Variants in STIM1 observed in about 807,000 individuals in gnomAD.
STIM1 encodes the protein stromal interaction molecule 1.
Under a neutral mutation model 74.7 loss-of-function variants are expected in STIM1, and 25 were observed. The observed-to-expected ratio is 0.33, with a 90% CI of 0.24 to 0.47. The LOEUF (loss-of-function observed/expected upper bound fraction) is 0.47, where lower values mean the gene tolerates loss of function less well. Ranked by LOEUF, STIM1 falls within the 20% of genes least tolerant of loss-of-function variation. The pLI, the probability that STIM1 is intolerant of heterozygous loss-of-function variation, is 1.00. For missense variants in STIM1, 728 were observed against 920.8 expected, an observed-to-expected ratio of 0.79 and a Z score of 2.71; for synonymous variants, 328 against 348.8, an observed-to-expected ratio of 0.94 and a Z score of 0.66.
intron 2 of STIM1, among the ~76,000 whole-genome samples, chr11:4,021,730 A>C (rs1158605863): frequency 6.6e-6 from 1 of 152,098 alleles, no homozygotes; most frequent in African/African-American, 2.4e-5. Flanking sequence ...ATGTCACTGA[A>C]ATTTAGATAG....
At chr11:3,988,705 C>T (rs1383708483) in intron 2 of STIM1, among the ~76,000 whole-genome samples, 2 of 152,124 alleles carry the variant, frequency 1.3e-5, no homozygotes, top group Non-Finnish European at 2.9e-5. Context: ...ACAATTCTGA[C>T]AGGGAGAGCC....
At chr11:3,944,376 G>T (rs1026141707) in intron 1 of STIM1, among the ~76,000 whole-genome samples, 1 of 152,102 alleles carries the variant, frequency 6.6e-6, no homozygotes, top group Admixed American at 6.5e-5. Flanking sequence ...TGATTAACTC[G>T]CTGATTGAAT....
intron 2 of STIM1, among the ~76,000 whole-genome samples, chr11:3,977,305 A>C (rs1272628814): frequency 6.6e-6 from 1 of 152,190 alleles, no homozygotes; most frequent in African/African-American, 2.4e-5. Flanking sequence ...GTGTGATCAC[A>C]CATTTTAGGG....
intron 1 of STIM1, among the ~76,000 whole-genome samples, chr11:3,883,718 A>G (rs2091603925): frequency 6.6e-6 from 1 of 152,200 alleles, no homozygotes; most frequent in South Asian, 2.1e-4. Context: ...CAGGGATTAT[A>G]TTTGATTCAT....
chr11:3,860,964 T>G (rs2090571968), intron 1 of STIM1, among the ~76,000 whole-genome samples: 1 of 152,064 alleles, frequency 6.6e-6, no homozygotes, highest in Non-Finnish European at 1.5e-5. Context: ...CATTGTAGGC[T>G]AAGGGTTAAA....
chr11:4,069,201 C>T (rs946920746), intron 5 of STIM1, among the ~76,000 whole-genome samples: 1 of 152,148 alleles, frequency 6.6e-6, no homozygotes, highest in Non-Finnish European at 1.5e-5. Flanking sequence ...AAATGCCTCT[C>T]TCCTGATTGG....
chr11:4,036,347 T>C (rs1436921163), intron 3 of STIM1, among the ~76,000 whole-genome samples: 1 of 152,194 alleles, frequency 6.6e-6, no homozygotes, highest in Non-Finnish European at 1.5e-5. Context: ...AATAGAATGG[T>C]TTATATTCCT....
At chr11:4,082,812 G>GGAA (rs2094472289) in intron 8 of STIM1, 70 bp from the exon 9 acceptor site, 5 of 1,307,738 alleles carry the variant, frequency 3.8e-6, no homozygotes, top group Admixed American at 1.7e-5. Context: ...CAGCCATAGG[G>GGAA]GAAGGCCTTT....
intron 1 of STIM1, among the ~76,000 whole-genome samples, chr11:3,873,333 G>A (rs956936808): frequency 2.7e-5 from 4 of 150,238 alleles, no homozygotes; most frequent in East Asian, 2.0e-4. Context: ...CAGGAGAATC[G>A]CTTGAACCCG....
intron 2 of STIM1, among the ~76,000 whole-genome samples, chr11:4,017,080 C>T (rs1450961981): frequency 6.6e-6 from 1 of 152,210 alleles, no homozygotes; most frequent in African/African-American, 2.4e-5. Context: ...GGGCTGCACC[C>T]ACTGTCCAAC....
In STIM1 at chr11:3,992,081, G is replaced by GCTTTTTTTTTTTTTT. The variant is rs376329167; in HGVS notation, c.270+24399_270+24400insCTTTTTTTTTTTTTT. ...TTTCTCTGCAGCCTTGCCAACATCT[G>GCTTTTTTTTTTTTTT]TTTTTTTGTTTTTTTTTTTTTTTTT... On this transcript the variant is annotated intron_variant, in intron 2 of 12. Transcript: ENST00000526596. 1.3e-3 allele frequency among the ~76,000 whole-genome samples: 124 copies of GCTTTTTTTTTTTTTT among 91,932 alleles called. 4 individuals carry two copies. The highest frequency in any genetic ancestry group is 2.0e-3 in the South Asian group (5 of 2,510). The allele number at this position is 91,932 out of a possible 152,430, so 60.3% of individuals were successfully genotyped here. A position where few individuals can be genotyped will look rare whatever the true frequency, so the allele number is the denominator to read the frequency against.
intron 1 of STIM1, chr11:3,947,309 C>T (rs765866340): frequency 6.6e-6 from 1 of 152,158 alleles, no homozygotes; most frequent in Non-Finnish European, 1.5e-5. Flanking sequence ...GTTTTCTCTT[C>T]ATAGCCTGGT....
chr11:3,916,843 C>T (rs1482549831), intron 1 of STIM1, among the ~76,000 whole-genome samples: 1 of 152,188 alleles, frequency 6.6e-6, no homozygotes, highest in Non-Finnish European at 1.5e-5. Flanking sequence ...CCACCTTGGC[C>T]TCCCAAAGTG....
intron 1 of STIM1, among the ~76,000 whole-genome samples, chr11:3,930,438 T>C (rs1229967401): frequency 3.3e-5 from 5 of 152,168 alleles, no homozygotes; most frequent in Admixed American, 6.5e-5. Flanking sequence ...CATGCTATCT[T>C]TGGGGACACT....
chr11:3,959,268 C>T (rs948351583), intron 1 of STIM1, among the ~76,000 whole-genome samples: 12 of 152,052 alleles, frequency 7.9e-5, no homozygotes, highest in African/African-American at 2.9e-4. Context: ...ATTTCCAATT[C>T]GTCCTATAGG....
intron 2 of STIM1, among the ~76,000 whole-genome samples, chr11:4,002,645 A>T (rs2135916236): frequency 6.6e-6 from 1 of 150,612 alleles, no homozygotes; most frequent in African/African-American, 2.4e-5. Context: ...GGAAAGATCC[A>T]AAATTGACAC....
chr11:3,983,720 C>T (rs181315080), intron 2 of STIM1, among the ~76,000 whole-genome samples: 87 of 152,254 alleles, frequency 5.7e-4, no homozygotes, highest in African/African-American at 2.0e-3. Context: ...GAGGCCATAC[C>T]GGCACCTGAG....
chr11:3,985,703 G>A (rs1256297646), intron 2 of STIM1, among the ~76,000 whole-genome samples: 7 of 152,226 alleles, frequency 4.6e-5, no homozygotes, highest in African/African-American at 1.7e-4. Flanking sequence ...GAAAAGCCAT[G>A]CTTCAGAAAT....
chr11:3,909,696 C>T (rs750224801), intron 1 of STIM1, among the ~76,000 whole-genome samples: 6 of 150,992 alleles, frequency 4.0e-5, no homozygotes, highest in Non-Finnish European at 7.4e-5. Flanking sequence ...CGGTGGTGGG[C>T]GCCTGTGATC....
Sources: gnomAD v4.1 joint callset for allele counts (sites outside exome capture counted in the v4.1 genomes callset) on GRCh38, gnomAD v4.1.1 for gene constraint, MANE v1.5 for transcripts, NCBI Gene and HGNC (gene_info 2026-07-23, HGNC 2026-07-21) for gene names.